The following EPHA3 variants were observed in gnomAD, a reference collection of about 807,000 sequenced individuals.
EPHA3 encodes the protein ephrin type-A receptor 3.
In EPHA3, 42 loss-of-function variants were observed where a neutral mutation model predicts 107.1. The observed-to-expected ratio is 0.39, with a 90% confidence interval of 0.31 to 0.51. The LOEUF (loss-of-function observed/expected upper bound fraction) is 0.51. EPHA3 is among the 20% of genes least tolerant of loss of function. The pLI is 0.78. For synonymous variants in EPHA3, 461 were observed against 424.8 expected (o/e 1.09, Z -1.05); for missense variants, 1,183 against 1,211.2 (o/e 0.98, Z 0.35).
At chr3:89,318,531 C>T (rs1332457523) in intron 3 of EPHA3, among the ~76,000 whole-genome samples, 1 of 151,830 alleles carries the variant, frequency 6.6e-6, no homozygotes, top group Non-Finnish European at 1.5e-5. Flanking sequence ...GGCCCTCAAT[C>T]ATTTGCACAT....
chr3:89,370,328 TA>T lies in EPHA3; in HGVS notation c.1307-25503del, dbSNP rs1389238295. 2.0e-5 allele frequency among the ~76,000 whole-genome samples: 3 copies of T among 151,790 alleles called. No individual in the cohort carries two copies. The East Asian group carries it at 5.8e-4, about 29-fold the overall frequency. ...TACACCATGGAATACTATGCAGCCA[TA>T]AAAAATGATGAGTTCATGTCCTTTT... is the stretch of plus-strand genomic sequence containing the variant. On this transcript the variant is annotated intron_variant, in intron 5 of 16. Transcript: ENST00000336596.
intron 7 of EPHA3, chr3:89,399,682 T>C (rs1026227523): frequency 7.9e-7 from 1 of 1,263,970 alleles, no homozygotes; most frequent in African/African-American, 1.5e-5. Context: ...TTTCTTTTTT[T>C]CTTGTATGCA....
intron 2 of EPHA3, among the ~76,000 whole-genome samples, chr3:89,162,088 A>G (rs974554095): frequency 1.3e-5 from 2 of 152,042 alleles, no homozygotes; most frequent in African/African-American, 4.8e-5. Context: ...AAACACAAGT[A>G]AGAGATTTAC....
chr3:89,172,653 G>A (rs904359880), intron 2 of EPHA3, among the ~76,000 whole-genome samples: 1 of 152,154 alleles, frequency 6.6e-6, no homozygotes, highest in Non-Finnish European at 1.5e-5. Context: ...AGCTGTAGGA[G>A]GAACAAGATT....
chr3:89,194,004 T>G (rs1705779080), intron 2 of EPHA3, among the ~76,000 whole-genome samples: 1 of 152,028 alleles, frequency 6.6e-6, no homozygotes, highest in Non-Finnish European at 1.5e-5. Flanking sequence ...GAATGCACTA[T>G]ATATTATAGA....
intron 2 of EPHA3, among the ~76,000 whole-genome samples, chr3:89,207,273 G>A (rs576761895): frequency 2.0e-5 from 3 of 152,136 alleles, no homozygotes; most frequent in African/African-American, 7.2e-5. Flanking sequence ...ATTAGAAGGT[G>A]TGAATTAAAA....
Position 89,432,607 on chromosome 3 carries a change from G to A in EPHA3, c.2346+1248G>A, listed in dbSNP as rs145795147. 6.0e-3 allele frequency among the ~76,000 whole-genome samples: 906 copies of A among 151,850 alleles called. 11 individuals carry two copies. The highest frequency in any genetic ancestry group is 0.02 in the African/African-American group (830 of 41,414). On this transcript the variant is annotated intron_variant, in intron 13 of 16. Transcript: ENST00000336596. ...TTTCTTTAAAGAAAATTATTTCCATGGTAGAAATTTAGAAAATATAGATAA... is the reference window on the plus strand; with the variant it reads ...TTTCTTTAAAGAAAATTATTTCCATAGTAGAAATTTAGAAAATATAGATAA...
chr3:89,424,054 G>A (rs190731413), intron 11 of EPHA3, among the ~76,000 whole-genome samples: 5 of 151,452 alleles, frequency 3.3e-5, no homozygotes, highest in African/African-American at 7.2e-5. Flanking sequence ...TCTAAATGCC[G>A]AGGCTAGTAA....
rs138735188 is a variant in EPHA3, at chr3:89,143,554, A to G, written c.153+16281A>G. Among the ~76,000 whole-genome samples, 154 of 151,740 alleles carry G rather than the reference A, an allele frequency of 1.0e-3. 2 individuals carry two copies. In the East Asian group the frequency reaches 0.023, roughly 23 times the overall value. On this transcript the variant is annotated intron_variant, in intron 2 of 16. Coordinates refer to ENST00000336596, the MANE Select transcript of EPHA3 (RefSeq NM_005233.6). ...GGTTGGAAATTTCATTCTAGCTGTC[A>G]ATTATTTCATGTATAATGCGGGTTT... is the stretch of plus-strand genomic sequence containing the variant.
chr3:89,139,934 G>A (rs1312844975), intron 2 of EPHA3, among the ~76,000 whole-genome samples: 2 of 151,758 alleles, frequency 1.3e-5, no homozygotes, highest in Non-Finnish European at 2.9e-5. Context: ...CAGCACCCAA[G>A]ATAATATCCA....
chr3:89,178,847 C>G (rs1348226431), intron 2 of EPHA3, among the ~76,000 whole-genome samples: 1 of 151,766 alleles, frequency 6.6e-6, no homozygotes, highest in African/African-American at 2.4e-5. Flanking sequence ...TAACTAGCAT[C>G]TGAATCTTGA....
intron 15 of EPHA3, among the ~76,000 whole-genome samples, chr3:89,460,480 T>G (rs1420009062): frequency 1.3e-5 from 2 of 151,862 alleles, no homozygotes; most frequent in Non-Finnish European, 2.9e-5. Context: ...ATCACTAACT[T>G]TGAAGGGATT....
chr3:89,353,903 C>T (rs1208039643), intron 5 of EPHA3, among the ~76,000 whole-genome samples: 1 of 151,156 alleles, frequency 6.6e-6, no homozygotes, highest in African/African-American at 2.4e-5. Context: ...ATATACGACT[C>T]TAATTAATGG....
At chr3:89,261,657 A>AT (rs1438833536) in intron 3 of EPHA3, among the ~76,000 whole-genome samples, 1 of 152,120 alleles carries the variant, frequency 6.6e-6, no homozygotes, top group East Asian at 1.9e-4. Flanking sequence ...TCTGGATGCT[A>AT]TTAGAGCATG....
intron 3 of EPHA3, among the ~76,000 whole-genome samples, chr3:89,275,064 G>A (rs954402554): frequency 2.0e-5 from 3 of 152,008 alleles, no homozygotes; most frequent in Non-Finnish European, 4.4e-5. Flanking sequence ...GTTGTGACTT[G>A]TTCAAGGTCA....
At chr3:89,378,581 G>A (rs1223722637) in intron 5 of EPHA3, among the ~76,000 whole-genome samples, 1 of 152,148 alleles carries the variant, frequency 6.6e-6, no homozygotes, top group Non-Finnish European at 1.5e-5. Flanking sequence ...TAGGTAAAAT[G>A]TAGTATCTCC....
At chr3:89,228,632 A>G (rs183377678) in intron 3 of EPHA3, among the ~76,000 whole-genome samples, 1 of 152,028 alleles carries the variant, frequency 6.6e-6, no homozygotes, top group Admixed American at 6.6e-5. Flanking sequence ...ATTAACCATT[A>G]AGGCATTATA....
chr3:89,430,101 A>C (rs1251410639), intron 12 of EPHA3, among the ~76,000 whole-genome samples: 1 of 152,124 alleles, frequency 6.6e-6, no homozygotes, highest in Non-Finnish European at 1.5e-5. Flanking sequence ...AAGAAAGTGA[A>C]TATATTAAAT....
chr3:89,276,370 C>G (rs2137487), intron 3 of EPHA3, among the ~76,000 whole-genome samples: 34,062 of 151,934 alleles, frequency 0.22, 4,225 homozygotes, highest in Non-Finnish European at 0.27. Flanking sequence ...ATTGATCAAA[C>G]CTGTCACTAG....
Sources: allele counts gnomAD v4.1 joint callset (sites outside exome capture counted in the v4.1 genomes callset), GRCh38; gene constraint gnomAD v4.1.1; transcripts MANE v1.5; gene names NCBI Gene and HGNC (gene_info 2026-07-23, HGNC 2026-07-21).